SLC35F3: variants seen among roughly 807,000 people sequenced by gnomAD.
SLC35F3 encodes solute carrier family 35 member F3, also known as putative thiamine transporter SLC35F3.
Under a neutral mutation model 49.9 loss-of-function variants are expected in SLC35F3, and 25 were observed. That is an observed-to-expected ratio of 0.50 (90% CI 0.37 to 0.70). The LOEUF (loss-of-function observed/expected upper bound fraction) is 0.70. Among genes scored for constraint, SLC35F3 ranks in the 30% least tolerant of loss-of-function variants. The pLI, the probability that SLC35F3 is intolerant of heterozygous loss-of-function variation, is 0.00. For missense variants in SLC35F3, 525 were observed against 639.8 expected, an observed-to-expected ratio of 0.82 and a Z score of 1.94; for synonymous variants, 275 against 265.4, an observed-to-expected ratio of 1.04 and a Z score of -0.35.
chr1:233,984,413 C>T (rs528950591), intron 2 of SLC35F3, among the ~76,000 whole-genome samples: 4 of 152,302 alleles, frequency 2.6e-5, no homozygotes, highest in African/African-American at 7.2e-5. Flanking sequence ...GATGCTCAAT[C>T]CTGACCTCCC....
chr1:234,148,941 C>T (rs1666033861), intron 2 of SLC35F3, among the ~76,000 whole-genome samples: 1 of 152,064 alleles, frequency 6.6e-6, no homozygotes. Flanking sequence ...CATGTAGGGG[C>T]ATGAGGTGGG....
intron 3 of SLC35F3, among the ~76,000 whole-genome samples, chr1:234,278,547 C>T (rs1334269103): frequency 6.6e-6 from 1 of 151,824 alleles, no homozygotes; most frequent in Non-Finnish European, 1.5e-5. Context: ...TTGTCATTCG[C>T]ATTTCTTTCT....
intron 2 of SLC35F3, among the ~76,000 whole-genome samples, chr1:234,119,947 C>A (rs549357844): frequency 1.3e-5 from 2 of 152,292 alleles, no homozygotes; most frequent in South Asian, 4.2e-4. Context: ...GAGCACCAGC[C>A]CTGAACTGAG....
In SLC35F3 at chr1:233,905,015, G is replaced by A. The variant is rs945991738; in HGVS notation, c.-63G>A. The A allele has an allele frequency of 2.8e-5, 43 of 1,520,100 alleles. No homozygotes were observed. Among genetic ancestry groups the A allele is most frequent in the Non-Finnish European group, 3.6e-5 (40 of 1,122,398 alleles). 94.2% of individuals were successfully genotyped at this position (1,520,100 alleles called of 1,614,324 possible). On this transcript the variant is annotated 5_prime_UTR_variant, in exon 1 of 8. Transcript: ENST00000366618. ...CTTCCCAGGCTAGCGGCTGCAGGGA[G>A]CTCCGGCCCGCGGCCCCTCCGCCTC...
intron 2 of SLC35F3, among the ~76,000 whole-genome samples, chr1:233,925,302 T>C (rs1662138742): frequency 6.6e-6 from 1 of 152,238 alleles, no homozygotes; most frequent in African/African-American, 2.4e-5. Flanking sequence ...ACTTGCTTTA[T>C]GAATCTGGGT....
intron 2 of SLC35F3, among the ~76,000 whole-genome samples, chr1:234,146,209 A>C (rs6673574): frequency 0.068 from 10,390 of 151,920 alleles, 587 homozygotes; most frequent in African/African-American, 0.14. Flanking sequence ...CCACTGCATA[A>C]ATTTTCTTCA....
intron 3 of SLC35F3, among the ~76,000 whole-genome samples, chr1:234,271,532 C>T (rs568171269): frequency 6.6e-6 from 1 of 152,232 alleles, no homozygotes; most frequent in Non-Finnish European, 1.5e-5. Context: ...TTTGATTGAA[C>T]AGGTGTTTGT....
At chr1:234,068,154 A>G (rs1391428719) in intron 2 of SLC35F3, among the ~76,000 whole-genome samples, 1 of 152,172 alleles carries the variant, frequency 6.6e-6, no homozygotes, top group Non-Finnish European at 1.5e-5. Flanking sequence ...AAGTGTTAGG[A>G]GCCTCTGCCA....
chr1:234,111,980 T>C (rs1211618984), intron 2 of SLC35F3, among the ~76,000 whole-genome samples: 6 of 152,020 alleles, frequency 3.9e-5, no homozygotes, highest in African/African-American at 1.4e-4. Flanking sequence ...CAGCCTGAGA[T>C]AAATGCAGGC....
chr1:234,080,228 G>C (rs1293760340), intron 2 of SLC35F3, among the ~76,000 whole-genome samples: 1 of 152,204 alleles, frequency 6.6e-6, no homozygotes, highest in Admixed American at 6.5e-5. Context: ...GGAGCTTCCA[G>C]GTTGGTGAGC....
Position 233,968,164 on chromosome 1 carries a change from A to G in SLC35F3, c.283+62406A>G, listed in dbSNP as rs143639413. Among the ~76,000 whole-genome samples the G allele has an allele frequency of 9.9e-3, 1,508 of 152,148 alleles. 27 individuals carry two copies. Among genetic ancestry groups the G allele is most frequent in the African/African-American group, 0.033 (1,381 of 41,510 alleles). ...TTGCCAGCAGTCAATGGCATTTCTT[A>G]GCTTGTGGATCCATCACTCCAATCT... On this transcript the variant is annotated intron_variant, in intron 2 of 7. Coordinates refer to ENST00000366618, the MANE Select transcript of SLC35F3 (RefSeq NM_173508.4).
chr1:234,275,763 A>AAAAATAT (rs1553260465), intron 3 of SLC35F3, among the ~76,000 whole-genome samples: 1 of 135,532 alleles, frequency 7.4e-6, no homozygotes, highest in Non-Finnish European at 1.6e-5. Context: ...AAAAAAAAAA[A>AAAAATAT]ATATATATAT....
chr1:234,020,495 T>G (rs921736042), intron 2 of SLC35F3, among the ~76,000 whole-genome samples: 4 of 152,180 alleles, frequency 2.6e-5, no homozygotes, highest in Non-Finnish European at 5.9e-5. Flanking sequence ...TTTTTTCTTC[T>G]TCCTCTCTGT....
rs1026325925 is a variant in SLC35F3 at position 234,183,620 on chromosome 1, GT to G, written c.284-47796del. On this transcript the variant is annotated intron_variant, in intron 2 of 7. Transcript: ENST00000366618. ...TAAACGATACTGTGTCGCTGGCCTG[GT>G]CGACTGAGTCCTTGGTAGCTCTATA... is the stretch of plus-strand genomic sequence containing the variant. Among the ~76,000 whole-genome samples the G allele has an allele frequency of 2.1e-5, 3 of 142,762 alleles. 1 individual carries two copies. The highest frequency in any genetic ancestry group is 7.3e-5 in the African/African-American group (3 of 41,152). 93.7% of individuals were successfully genotyped at this position (142,762 alleles called of 152,430 possible).
At chr1:234,148,918 T>A (rs1666033504) in intron 2 of SLC35F3, among the ~76,000 whole-genome samples, 1 of 152,146 alleles carries the variant, frequency 6.6e-6, no homozygotes, top group Non-Finnish European at 1.5e-5. Flanking sequence ...TGCCATTTCC[T>A]GTGATGGGAA....
intron 2 of SLC35F3, among the ~76,000 whole-genome samples, chr1:234,211,920 T>C (rs1216474201): frequency 6.6e-6 from 1 of 152,218 alleles, no homozygotes; most frequent in African/African-American, 2.4e-5. Flanking sequence ...TCATCTTGAA[T>C]TCCCATATGT....
intron 2 of SLC35F3, among the ~76,000 whole-genome samples, chr1:234,029,777 G>A (rs545929505): frequency 2.0e-5 from 3 of 152,218 alleles, no homozygotes; most frequent in South Asian, 4.2e-4. Flanking sequence ...CAGGAGGATC[G>A]CTTGAACCCA....
intron 2 of SLC35F3, among the ~76,000 whole-genome samples, chr1:233,912,951 A>G (rs781346340): frequency 1.3e-5 from 2 of 152,240 alleles, no homozygotes; most frequent in Non-Finnish European, 2.9e-5. Flanking sequence ...ATATCCATTT[A>G]GCAAATCTTT....
At chr1:234,234,751 C>T (rs1252734750) in intron 3 of SLC35F3, among the ~76,000 whole-genome samples, 10 of 152,082 alleles carry the variant, frequency 6.6e-5, no homozygotes, top group Admixed American at 3.9e-4. Flanking sequence ...CGGGAGGCTC[C>T]GTGGGCAAGT....
Sources: allele counts gnomAD v4.1 joint callset (sites outside exome capture counted in the v4.1 genomes callset), GRCh38; gene constraint gnomAD v4.1.1; transcripts MANE v1.5; gene names NCBI Gene and HGNC (gene_info 2026-07-23, HGNC 2026-07-21).